The following TCEANC2 variants were observed in gnomAD, a reference collection of about 807,000 sequenced individuals.
TCEANC2 encodes the protein transcription elongation factor A N-terminal and central domain containing 2.
Under a neutral mutation model 22.8 loss-of-function variants are expected in TCEANC2, and 20 were observed. The observed-to-expected ratio is 0.88, with a 90% CI of 0.62 to 1.28. The LOEUF (loss-of-function observed/expected upper bound fraction) is 1.28, where lower values mean the gene tolerates loss of function less well. Ranked by LOEUF, TCEANC2 falls within the 50% of genes most tolerant of loss-of-function variation. TCEANC2 has a pLI of 0.00. For missense variants in TCEANC2, 251 were observed against 249.7 expected, an observed-to-expected ratio of 1.01 and a Z score of -0.03; for synonymous variants, 84 against 95.5, an observed-to-expected ratio of 0.88 and a Z score of 0.70.
intron 4 of TCEANC2, among the ~76,000 whole-genome samples, chr1:54,090,935 A>G (rs1026345351): frequency 6.6e-6 from 1 of 152,202 alleles, no homozygotes; most frequent in African/African-American, 2.4e-5. Context: ...ACTCCACGAT[A>G]ATTATCCTTT....
intron 3 of TCEANC2, among the ~76,000 whole-genome samples, chr1:54,077,487 G>A (rs1658164349): frequency 6.6e-6 from 1 of 152,010 alleles, no homozygotes. Context: ...CATCTTCCCA[G>A]ACTGTGAATT....
At chr1:54,075,158 C>T (rs1658124616) in intron 3 of TCEANC2, among the ~76,000 whole-genome samples, 1 of 152,174 alleles carries the variant, frequency 6.6e-6, no homozygotes, top group Non-Finnish European at 1.5e-5. Context: ...ATGCCTTATG[C>T]TGGGTGCTAC....
At chr1:54,110,438 T>C (rs1658821767), downstream of TCEANC2, among the ~76,000 whole-genome samples, 1 of 151,534 alleles carries the variant, frequency 6.6e-6, no homozygotes, top group African/African-American at 2.4e-5. Context: ...TTTATCTCTT[T>C]ACAAAAGAAA....
chr1:54,057,045 A>C (rs1454691891), intron 2 of TCEANC2, among the ~76,000 whole-genome samples: 2 of 151,836 alleles, frequency 1.3e-5, no homozygotes, highest in Non-Finnish European at 2.9e-5. Context: ...CCATTTAAAA[A>C]AAAAAAAAGA....
intron 3 of TCEANC2, among the ~76,000 whole-genome samples, chr1:54,084,767 G>A (rs922119033): frequency 2.7e-5 from 4 of 150,800 alleles, no homozygotes; most frequent in South Asian, 4.2e-4. Flanking sequence ...GCAAAACTCC[G>A]TCTAAAAAAA....
rs1468869154 is a variant in TCEANC2, at chr1:54,096,021, C to G, written c.439-264C>G. 6.6e-6 allele frequency among the ~76,000 whole-genome samples: 1 copy of G among 152,258 alleles called. No individual in the cohort carries two copies. Among genetic ancestry groups the G allele is most frequent in the South Asian group, 2.1e-4 (1 of 4,828 alleles). On this transcript the variant is annotated intron_variant, in intron 4 of 4. Coordinates refer to ENST00000234827, the MANE Select transcript of TCEANC2 (RefSeq NM_153035.3). The surrounding 1 kb of genome is among the most constrained non-coding windows in gnomAD (Gnocchi z 4.9). ...TTGGTAAAGTACAGGGCCCAGTACC[C>G]GTTGCTTAGTTCAGGCCAGTTTCCT...
chr1:54,110,854 G>A (rs1333374815), downstream of TCEANC2, among the ~76,000 whole-genome samples: 2 of 152,036 alleles, frequency 1.3e-5, no homozygotes, highest in African/African-American at 2.4e-5. Flanking sequence ...TGCCCTGATT[G>A]CCCCGAGGTG....
At chr1:54,080,146 C>CTTTTT (rs869271204) in intron 3 of TCEANC2, among the ~76,000 whole-genome samples, 1 of 134,172 alleles carries the variant, frequency 7.5e-6, no homozygotes. Flanking sequence ...AATTTTCTTT[C>CTTTTT]TTTTTTTTTT....
chr1:54,096,882 T>G lies in TCEANC2; in HGVS notation c.*409T>G. On this transcript the variant is annotated 3_prime_UTR_variant, in exon 5 of 5. Coordinates refer to ENST00000234827, the MANE Select transcript of TCEANC2 (RefSeq NM_153035.3). The surrounding 1 kb of genome is among the most constrained non-coding windows in gnomAD (Gnocchi z 4.9). Reference sequence around the variant, plus strand: ...CAATTACCGCTGCCGCTCACTCGGTTCCATCCCCCTGAGTTTAGATAGCTC... The same window carrying G: ...CAATTACCGCTGCCGCTCACTCGGTGCCATCCCCCTGAGTTTAGATAGCTC... 1 of 990,692 alleles carries G rather than the reference T, an allele frequency of 1.0e-6. No individual in the cohort carries two copies. Among genetic ancestry groups the G allele is most frequent in the Non-Finnish European group, 1.2e-6 (1 of 832,958 alleles). The allele number at this position is 990,692 out of a possible 1,614,324, so 61.4% of individuals were successfully genotyped here.
chr1:54,108,003 T>C (rs1557698395), downstream of TCEANC2, among the ~76,000 whole-genome samples: 1 of 152,252 alleles, frequency 6.6e-6, no homozygotes, highest in African/African-American at 2.4e-5. Context: ...CCCTTAGTCC[T>C]TAATGGTTAT....
rs1354953108 is a variant in TCEANC2 at position 54,099,618 on chromosome 1, C to A, written c.*3145C>A. On this transcript the variant is annotated 3_prime_UTR_variant, in exon 5 of 5. Transcript: ENST00000234827. ...AATTAGCCAGATATGATGGCAGGCG[C>A]CTGTAATCCCAGCTACTTGGAAGGC... 1 of 151,850 alleles carries A rather than the reference C, an allele frequency of 6.6e-6. No homozygotes were observed. Among genetic ancestry groups the A allele is most frequent in the African/African-American group, 2.4e-5 (1 of 41,308 alleles). The allele number at this position is 151,850 out of a possible 1,614,324, so 9.4% of individuals were successfully genotyped here. A position where few individuals can be genotyped will look rare whatever the true frequency, so the allele number is the denominator to read the frequency against.
chr1:54,072,227 A>G (rs555085546), intron 3 of TCEANC2, among the ~76,000 whole-genome samples: 5 of 152,118 alleles, frequency 3.3e-5, no homozygotes, highest in Middle Eastern at 3.4e-3. Context: ...TAGTTTATCT[A>G]TTTTTTATCT....
intron 2 of TCEANC2, among the ~76,000 whole-genome samples, chr1:54,060,205 A>C (rs930433619): frequency 4.6e-5 from 7 of 152,102 alleles, no homozygotes; most frequent in African/African-American, 1.7e-4. Context: ...CAGGAGTTTG[A>C]GACCAGCCTG....
chr1:54,095,727 G>T (rs1386222163), intron 4 of TCEANC2, among the ~76,000 whole-genome samples: 1 of 152,170 alleles, frequency 6.6e-6, no homozygotes, highest in Non-Finnish European at 1.5e-5. Flanking sequence ...GAGTCGAGGG[G>T]TCCAGGTCAC....
In TCEANC2 at chr1:54,104,597, A is replaced by G. The variant is rs776108389; in HGVS notation, c.*8124A>G. 46 of 454,028 alleles carry G rather than the reference A, an allele frequency of 1.0e-4. No individual in the cohort carries two copies. Among genetic ancestry groups the G allele is most frequent in the Non-Finnish European group, 2.0e-4 (46 of 225,526 alleles). The allele number at this position is 454,028 out of a possible 1,614,324, so 28.1% of individuals were successfully genotyped here. ...GTCTCTGTCACCCAGGCTGGAGTGC[A>G]GTGGCACCATCTCGGCTCACTGCAA... On this transcript the variant is annotated 3_prime_UTR_variant, in exon 5 of 5. Transcript: ENST00000234827.
At chr1:54,085,053 T>G (rs540998433) in intron 3 of TCEANC2, among the ~76,000 whole-genome samples, 5 of 152,158 alleles carry the variant, frequency 3.3e-5, no homozygotes, top group Non-Finnish European at 7.4e-5. Context: ...TCTTCCTCCT[T>G]GTGATGAGTG....
intron 2 of TCEANC2, among the ~76,000 whole-genome samples, chr1:54,062,258 T>A (rs372437496): frequency 5.9e-5 from 9 of 152,356 alleles, no homozygotes; most frequent in East Asian, 5.8e-4. Context: ...TTTCTGGCAA[T>A]AACTATTCTA....
chr1:54,086,924 T>C (rs1385095603), intron 3 of TCEANC2, among the ~76,000 whole-genome samples: 2 of 152,164 alleles, frequency 1.3e-5, no homozygotes. Flanking sequence ...GGAGGAATCC[T>C]GGAGCATTAA....
intron 3 of TCEANC2, among the ~76,000 whole-genome samples, chr1:54,074,388 G>A (rs931154314): frequency 3.3e-5 from 5 of 152,156 alleles, no homozygotes; most frequent in African/African-American, 1.2e-4. Context: ...GCGTGAACCC[G>A]GGGGGCAGAG....
Sources: allele counts gnomAD v4.1 joint callset (sites outside exome capture counted in the v4.1 genomes callset), GRCh38; gene constraint gnomAD v4.1.1; non-coding constraint Gnocchi (gnomAD v3.1); transcripts MANE v1.5; gene names NCBI Gene and HGNC (gene_info 2026-07-23, HGNC 2026-07-21).